The following CSNK1G2 variants were observed in gnomAD, a reference collection of about 807,000 sequenced individuals.
CSNK1G2 encodes casein kinase 1 gamma 2.
A neutral mutation model predicts 48.0 loss-of-function variants in CSNK1G2; 11 were observed. That is an observed-to-expected ratio of 0.23 (90% CI 0.14 to 0.38). The LOEUF is 0.38. CSNK1G2 is among the 10% of genes least tolerant of loss of function. CSNK1G2 has a pLI of 1.00. For synonymous variants in CSNK1G2, 337 were observed against 254.1 expected, an observed-to-expected ratio of 1.33 and a Z score of -3.10; for missense variants, 446 against 595.5, an observed-to-expected ratio of 0.75 and a Z score of 2.61.
intron 1 of CSNK1G2, among the ~76,000 whole-genome samples, chr19:1,963,041 C>CACCA (rs1351880616): frequency 1.3e-5 from 2 of 152,108 alleles, no homozygotes; most frequent in South Asian, 2.1e-4. Flanking sequence ...ACCTTCAGGA[C>CACCA]GCCAGGCTCA....
At chr19:1,950,773 G>A (rs1003022280) in intron 1 of CSNK1G2, among the ~76,000 whole-genome samples, 3 of 146,282 alleles carry the variant, frequency 2.1e-5, no homozygotes, top group Non-Finnish European at 4.5e-5. Context: ...GTGTCAGGTG[G>A]GGACCTGGCC....
chr19:1,945,301 C>T (rs2014514027), intron 1 of CSNK1G2, among the ~76,000 whole-genome samples: 2 of 152,216 alleles, frequency 1.3e-5, no homozygotes, highest in Admixed American at 6.5e-5. Context: ...CTCAGGCGGC[C>T]CTGGCCCCCG....
Position 1,980,355 on chromosome 19 carries a change from C to T in CSNK1G2, c.*152C>T, listed in dbSNP as rs774792866. On this transcript the variant is annotated 3_prime_UTR_variant, in exon 12 of 12. Coordinates refer to ENST00000255641, the MANE Select transcript of CSNK1G2 (RefSeq NM_001319.7). ...CTGCAGGGGCCGCGCCTGGCTCAGG[C>T]GGCCCCACCCCCGGGACGTGGGGTC... 8.7e-6 allele frequency: 8 copies of T among 915,048 alleles called. No individual in the cohort carries two copies. The highest frequency in any genetic ancestry group is 1.4e-5 in the Non-Finnish European group (8 of 582,172). The allele number at this position is 915,048 out of a possible 1,614,324, so 56.7% of individuals were successfully genotyped here. A position where few individuals can be genotyped will look rare whatever the true frequency, so the allele number is the denominator to read the frequency against.
At chr19:1,976,013 C>T (rs1281327530) in intron 2 of CSNK1G2, 2 of 1,236,186 alleles carry the variant, frequency 1.6e-6, no homozygotes, top group African/African-American at 1.5e-5. Flanking sequence ...CCAGCCTGGG[C>T]AACAGAACGA....
At chr19:1,964,234 A>G (rs1226753003) in intron 1 of CSNK1G2, among the ~76,000 whole-genome samples, 1 of 151,750 alleles carries the variant, frequency 6.6e-6, no homozygotes, top group Non-Finnish European at 1.5e-5. Context: ...TCGAGGCTGC[A>G]GCAAGCTGTG....
At chr19:1,950,225 T>C (rs565858784) in intron 1 of CSNK1G2, among the ~76,000 whole-genome samples, 29 of 152,262 alleles carry the variant, frequency 1.9e-4, no homozygotes, top group South Asian at 1.4e-3. Context: ...CTGCAAGCTC[T>C]GCCTCCCGGG....
rs776561765 is a variant in CSNK1G2 at position 1,979,483 on chromosome 19, C to G, written c.854-12C>G. 2.7e-6 allele frequency: 4 copies of G among 1,503,728 alleles called. No homozygotes were observed. The African/African-American group carries it at 5.7e-5, about 21-fold the overall frequency. 93.1% of individuals were successfully genotyped at this position (1,503,728 alleles called of 1,614,324 possible). Reference sequence around the variant, plus strand: ...CACCCCCGCCGAGGCCCCGCTGGCGCTCTCTCTGCAGAGGAGATGGCCACG... The same window carrying G: ...CACCCCCGCCGAGGCCCCGCTGGCGGTCTCTCTGCAGAGGAGATGGCCACG... On this transcript the variant is annotated splice_polypyrimidine_tract_variant and intron_variant, in intron 8 of 11. Coordinates refer to ENST00000255641, the MANE Select transcript of CSNK1G2 (RefSeq NM_001319.7).
At chr19:1,952,265 G>A (rs748217140) in intron 1 of CSNK1G2, among the ~76,000 whole-genome samples, 9 of 152,238 alleles carry the variant, frequency 5.9e-5, no homozygotes, top group Non-Finnish European at 1.3e-4. Context: ...TGTCATCTGC[G>A]GCCTGTGAGC....
intron 1 of CSNK1G2, among the ~76,000 whole-genome samples, chr19:1,964,824 C>T (rs2015313489): frequency 6.6e-6 from 1 of 151,324 alleles, no homozygotes; most frequent in African/African-American, 2.4e-5. Flanking sequence ...CTCCCGGGTT[C>T]ACCCCATTCT....
rs555759847 is a variant in CSNK1G2 at position 1,979,462 on chromosome 19, C to T, written c.854-33C>T. On this transcript the variant is annotated intron_variant, in intron 8 of 11. Coordinates refer to ENST00000255641, the MANE Select transcript of CSNK1G2 (RefSeq NM_001319.7). ...CCACCCCCCACCCCCCACCCCCACCCCCGCCGAGGCCCCGCTGGCGCTCTC... is the reference window on the plus strand; with the variant it reads ...CCACCCCCCACCCCCCACCCCCACCTCCGCCGAGGCCCCGCTGGCGCTCTC... 32 of 1,499,764 alleles carry T rather than the reference C, an allele frequency of 2.1e-5. No homozygotes were observed. The South Asian group carries it at 3.6e-4, about 17-fold the overall frequency. The allele number at this position is 1,499,764 out of a possible 1,614,324, so 92.9% of individuals were successfully genotyped here. A position where few individuals can be genotyped will look rare whatever the true frequency, so the allele number is the denominator to read the frequency against.
intron 1 of CSNK1G2, among the ~76,000 whole-genome samples, chr19:1,960,405 G>T (rs1029455645): frequency 2.0e-5 from 3 of 152,218 alleles, no homozygotes; most frequent in African/African-American, 7.2e-5. Context: ...GTCGAGAAAG[G>T]CAGGCAGTGT....
chr19:1,967,026 C>T (rs573121168), intron 1 of CSNK1G2, among the ~76,000 whole-genome samples: 6 of 138,590 alleles, frequency 4.3e-5, no homozygotes, highest in East Asian at 4.4e-4. Flanking sequence ...TTGCACACCA[C>T]GCCCCGCTTA....
At chr19:1,953,488 T>A (rs371004656) in intron 1 of CSNK1G2, 21 of 533,758 alleles carry the variant, frequency 3.9e-5, no homozygotes, top group African/African-American at 3.8e-4. Context: ...CATGGCAGCC[T>A]TGCCTCCGTT....
At chr19:1,969,374 A>G (rs1192168314) in intron 1 of CSNK1G2, 134 bp from the exon 2 acceptor site, 2 of 158,952 alleles carry the variant, frequency 1.3e-5, no homozygotes, top group Non-Finnish European at 2.7e-5. Context: ...GACGGTGCTC[A>G]TCATGCCCCG....
chr19:1,954,906 C>T (rs982689618), intron 1 of CSNK1G2, among the ~76,000 whole-genome samples: 3 of 152,112 alleles, frequency 2.0e-5, no homozygotes, highest in Non-Finnish European at 2.9e-5. Flanking sequence ...TGAGGATCAG[C>T]GTCCCTTCGT....
At chr19:1,949,681 G>A (rs2014693483) in intron 1 of CSNK1G2, among the ~76,000 whole-genome samples, 1 of 152,264 alleles carries the variant, frequency 6.6e-6, no homozygotes, top group Non-Finnish European at 1.5e-5. Context: ...GACCATTTGA[G>A]GAGCCGCAGA....
chr19:1,951,446 C>T (rs576274309), intron 1 of CSNK1G2, among the ~76,000 whole-genome samples: 1 of 144,910 alleles, frequency 6.9e-6, no homozygotes, highest in Non-Finnish European at 1.5e-5. Context: ...CTGCTGGGAC[C>T]GTTTGATTTC....
intron 2 of CSNK1G2, among the ~76,000 whole-genome samples, chr19:1,976,378 G>A (rs1229864841): frequency 1.3e-5 from 2 of 152,160 alleles, no homozygotes; most frequent in East Asian, 1.9e-4. Context: ...TCGTCCTCAC[G>A]ATCCTGCACC....
intron 1 of CSNK1G2, among the ~76,000 whole-genome samples, chr19:1,951,097 G>C (rs540175804): frequency 2.1e-5 from 3 of 145,296 alleles, no homozygotes; most frequent in Non-Finnish European, 4.5e-5. Flanking sequence ...TCTACCGTTT[G>C]CTGGTTTATA....
Sources: allele counts gnomAD v4.1 joint callset (sites outside exome capture counted in the v4.1 genomes callset), GRCh38; gene constraint gnomAD v4.1.1; transcripts MANE v1.5; gene names NCBI Gene and HGNC (gene_info 2026-07-23, HGNC 2026-07-21).